RANBP2: variants seen among roughly 807,000 people sequenced by gnomAD.
The protein encoded by RANBP2 is RAN binding protein 2, also known as E3 SUMO-protein ligase RanBP2.
In RANBP2, 57 loss-of-function variants were observed where a neutral mutation model predicts 303.6. The ratio of observed to expected loss-of-function variants is 0.19; its 90% CI spans 0.15 to 0.23. RANBP2 has a LOEUF of 0.23. Ranked by LOEUF, RANBP2 falls within the 10% of genes least tolerant of loss-of-function variation. The pLI is 1.00. For missense variants in RANBP2, 3,138 were observed against 3,780.8 expected (o/e 0.83, Z 4.46); for synonymous variants, 1,167 against 1,301.5 (o/e 0.90, Z 2.23).
the RANBP2 span, chr2:109,544,351 G>A: frequency 6.4e-6 from 10 of 1,554,036 alleles, no homozygotes; most frequent in African/African-American, 1.4e-5. Flanking sequence ...CCTTTTGATT[G>A]GTACAATTTA....
chr2:109,238,498 T>A, the RANBP2 span, among the ~76,000 whole-genome samples: 784 of 131,484 alleles, frequency 6.0e-3, 1 homozygote, highest in Admixed American at 0.011. Context: ...TGTGTGTGTG[T>A]GAGAGTGAGA....
chr2:109,107,873 T>C, the RANBP2 span, among the ~76,000 whole-genome samples: 20 of 148,382 alleles, frequency 1.3e-4, no homozygotes, highest in Admixed American at 2.7e-4. Context: ...GTAGCTGGGA[T>C]TACAGGCGCC....
chr2:109,219,413 C>A, the RANBP2 span, among the ~76,000 whole-genome samples: 1 of 151,952 alleles, frequency 6.6e-6, no homozygotes, highest in Non-Finnish European at 1.5e-5. Context: ...GGAGGAAGAA[C>A]AGCCATTTTT....
chr2:109,249,581 TTC>T, the RANBP2 span, among the ~76,000 whole-genome samples: 5,390 of 112,086 alleles, frequency 0.048, 415 homozygotes, highest in Admixed American at 0.073. Context: ...CCTTCCTTCC[TTC>T]CTTTCCTTTC....
the RANBP2 span, among the ~76,000 whole-genome samples, chr2:109,090,407 A>G: frequency 6.6e-6 from 1 of 152,078 alleles, no homozygotes; most frequent in African/African-American, 2.4e-5. Flanking sequence ...GCCTATGAAA[A>G]GTCCCTAGCA....
At chr2:109,088,267 C>T in the RANBP2 span, among the ~76,000 whole-genome samples, 33 of 151,592 alleles carry the variant, frequency 2.2e-4, no homozygotes, top group Non-Finnish European at 3.2e-4. Flanking sequence ...CATGGTGGCG[C>T]GCGCCTGTAG....
At chr2:109,035,833 A>G in the RANBP2 span, among the ~76,000 whole-genome samples, 4 of 152,200 alleles carry the variant, frequency 2.6e-5, no homozygotes, top group Non-Finnish European at 5.9e-5. Context: ...AAAAATAATT[A>G]AACTTCTTAA....
At chr2:109,228,413 C>G in the RANBP2 span, among the ~76,000 whole-genome samples, 1 of 152,166 alleles carries the variant, frequency 6.6e-6, no homozygotes, top group Admixed American at 6.5e-5. Flanking sequence ...TTCCTTGATA[C>G]CCACAATGCA....
the RANBP2 span, chr2:109,615,934 T>C: frequency 1.2e-6 from 2 of 1,604,106 alleles, no homozygotes; most frequent in Non-Finnish European, 1.7e-6. Context: ...ACCCAGATCG[T>C]CCACACCACA....
At chr2:109,132,657 C>T in the RANBP2 span, among the ~76,000 whole-genome samples, 1 of 152,200 alleles carries the variant, frequency 6.6e-6, no homozygotes, top group Non-Finnish European at 1.5e-5. Context: ...AAAGTGTGTT[C>T]ATATGTGTTA....
At chr2:109,173,355 G>A in the RANBP2 span, among the ~76,000 whole-genome samples, 460 of 152,244 alleles carry the variant, frequency 3.0e-3, 6 homozygotes, top group African/African-American at 0.011. Flanking sequence ...CAACCGAGCC[G>A]TCCCTGCCTG....
the RANBP2 span, chr2:108,912,668 C>A: frequency 6.3e-7 from 1 of 1,579,676 alleles, no homozygotes; most frequent in African/African-American, 1.3e-5. Flanking sequence ...TACCTGAGCA[C>A]CCTCCTCACC....
the RANBP2 span, among the ~76,000 whole-genome samples, chr2:109,089,144 C>T: frequency 2.6e-5 from 4 of 151,554 alleles, no homozygotes; most frequent in Admixed American, 6.6e-5. Flanking sequence ...CAAACAAGAA[C>T]GCTTCCTTCG....
chr2:108,975,081 T>G, the RANBP2 span, among the ~76,000 whole-genome samples: 4 of 152,204 alleles, frequency 2.6e-5, no homozygotes, highest in African/African-American at 9.6e-5. Flanking sequence ...CCACGGAGCC[T>G]AGCCCCAAGT....
chr2:108,932,528 CAAAAAAAA>C, the RANBP2 span, among the ~76,000 whole-genome samples: 7 of 39,122 alleles, frequency 1.8e-4, no homozygotes, highest in Admixed American at 5.1e-4. Context: ...GACTCTGTCT[CAAAAAAAA>C]AAAAAAAAAA....
chr2:109,616,235 G>T, the RANBP2 span: 20 of 1,116,646 alleles, frequency 1.8e-5, no homozygotes, highest in Admixed American at 7.1e-4. Flanking sequence ...GGGAAAAGTG[G>T]ATGTCTTTTT....
At chr2:109,383,723 T>C in the RANBP2 span, among the ~76,000 whole-genome samples, 1 of 152,218 alleles carries the variant, frequency 6.6e-6, no homozygotes, top group Non-Finnish European at 1.5e-5. Context: ...AGCTCAGAGC[T>C]ACTCTCTGTT....
At chr2:109,354,158 C>T in the RANBP2 span, among the ~76,000 whole-genome samples, 1 of 151,740 alleles carries the variant, frequency 6.6e-6, no homozygotes, top group Non-Finnish European at 1.5e-5. Flanking sequence ...GAACTATTCC[C>T]TTTTTAATTT....
At chr2:108,884,913 C>A in the RANBP2 span, 1 of 152,216 alleles carries the variant, frequency 6.6e-6, no homozygotes, top group African/African-American at 2.4e-5. Context: ...CTTTTCAGCC[C>A]CTCCCCACTC....
Sources: gnomAD v4.1 joint callset for allele counts (sites outside exome capture counted in the v4.1 genomes callset) on GRCh38, gnomAD v4.1.1 for gene constraint, MANE v1.5 for transcripts, NCBI Gene and HGNC (gene_info 2026-07-23, HGNC 2026-07-21) for gene names.